MCAT: variants seen among roughly 807,000 people sequenced by gnomAD.
The protein encoded by MCAT is malonyl-CoA-acyl carrier protein transacylase, mitochondrial.
A neutral mutation model predicts 22.9 loss-of-function variants in MCAT; 22 were observed. The observed-to-expected ratio is 0.96, with a 90% CI of 0.69 to 1.37. MCAT has a LOEUF of 1.37. MCAT is among the 40% of genes most tolerant of loss of function. The pLI, the probability that MCAT is intolerant of heterozygous loss-of-function variation, is 0.00. For synonymous variants in MCAT, 240 were observed against 233.9 expected (o/e 1.03, Z -0.24); for missense variants, 534 against 533.6 (o/e 1.00, Z -0.01).
chr22:43,135,399 G>A (rs547693733), intron 3 of MCAT, among the ~76,000 whole-genome samples: 4 of 151,934 alleles, frequency 2.6e-5, no homozygotes, highest in Non-Finnish European at 2.9e-5. Flanking sequence ...AGCTACTTGG[G>A]AGGCTAAGGC....
At chr22:43,135,640 C>A (rs1930587229) in intron 3 of MCAT, among the ~76,000 whole-genome samples, 1 of 152,084 alleles carries the variant, frequency 6.6e-6, no homozygotes, top group South Asian at 2.1e-4. Flanking sequence ...CACTTCTGGG[C>A]TTCCTTCCAA....
chr22:43,143,060 C>CGCGGCGG lies in MCAT; in HGVS notation c.282_288dup (p.Val97ProfsTer50), dbSNP rs1362874488. ...AGTTCCAGCAGGTCGTAGCCCAGCA[C>CGCGGCGG]GCGGCGGGCGGCGGCGTAGAGTTCG... is the stretch of plus-strand genomic sequence containing the variant. On this transcript the variant is annotated frameshift_variant, in exon 1 of 4. Coordinates refer to ENST00000290429, the MANE Select transcript of MCAT (RefSeq NM_173467.5). LOFTEE classifies it high-confidence loss of function. The CGCGGCGG allele has an allele frequency of 1.2e-6, 2 of 1,609,744 alleles. No individual in the cohort carries two copies. The highest frequency in any genetic ancestry group is 1.3e-5 in the African/African-American group (1 of 74,876).
At chr22:43,142,774 C>A (rs867707959) in intron 1 of MCAT, 152 bp downstream of exon 1, 203 of 681,536 alleles carry the variant, frequency 3.0e-4, no homozygotes, top group African/African-American at 1.5e-3. Context: ...GACTCCGTCT[C>A]AAAAAAAAAA....
At chr22:43,137,575 G>A (rs938616295) in intron 2 of MCAT, among the ~76,000 whole-genome samples, 2 of 152,150 alleles carry the variant, frequency 1.3e-5, no homozygotes, top group Admixed American at 1.3e-4. Flanking sequence ...CAACAGGCCG[G>A]GGGCAGTGTC....
chr22:43,135,503 C>CAAAAAAAAAAAAAAAAAAAAAAAAAAAAA, intron 3 of MCAT, among the ~76,000 whole-genome samples: 1 of 33,126 alleles, frequency 3.0e-5, no homozygotes, highest in Non-Finnish European at 7.2e-5. Flanking sequence ...GACATTGTCT[C>CAAAAAAAAAAAAAAAAAAAAAAAAAAAAA]AAAAAACAAA....
At position 43,133,152 on chromosome 22, in the gene MCAT, C is replaced by T. The variant is rs142380867; in HGVS notation, c.1064G>A (p.Gly355Glu). ...CATGTTACAGCTCTTCAGGATGGCT[C>T]CCAGCTGCCTGCCAGGGCCTACTTC... Reference protein sequence around the residue: ...TFEVGPGRQLGAILKSCNMQA... With the variant: ...TFEVGPGRQLEAILKSCNMQA... The change falls in exon 4 of 4, where the codon GGA becomes GAA. Residue 355 changes from glycine to glutamate, a missense_variant. Coordinates refer to ENST00000290429, the MANE Select transcript of MCAT (RefSeq NM_173467.5). 260 of 1,614,200 alleles carry T rather than the reference C, an allele frequency of 1.6e-4. No homozygotes were observed. In the Middle Eastern group the frequency reaches 2.0e-3, roughly 12 times the overall value.
chr22:43,133,912 TCTC>T (rs1265758640), intron 3 of MCAT, among the ~76,000 whole-genome samples: 1 of 151,346 alleles, frequency 6.6e-6, no homozygotes, highest in African/African-American at 2.4e-5. Context: ...TTCACACCAT[TCTC>T]CTGCCTCAGC....
In MCAT at chr22:43,132,954, A is replaced by T. The variant is rs1228805751; in HGVS notation, c.*89T>A. On this transcript the variant is annotated 3_prime_UTR_variant, in exon 4 of 4. Transcript: ENST00000290429. ...AATCCCTTTCACTCCTCAGAGGAGG[A>T]GCCATTAGGAAGGTAGGGGGCGACA... The T allele has an allele frequency of 8.2e-6, 10 of 1,215,342 alleles. No individual in the cohort carries two copies. The Admixed American group carries it at 2.2e-4, about 27-fold the overall frequency. The allele number at this position is 1,215,342 out of a possible 1,614,324, so 75.3% of individuals were successfully genotyped here. A position where few individuals can be genotyped will look rare whatever the true frequency, so the allele number is the denominator to read the frequency against.
At chr22:43,137,362 T>C (rs1930647330) in intron 2 of MCAT, 64 bp from the exon 3 acceptor site, 25 of 1,378,938 alleles carry the variant, frequency 1.8e-5, no homozygotes, top group Non-Finnish European at 2.3e-5. Context: ...AGGCCAGGCC[T>C]GAGAAACAAA....
intron 3 of MCAT, among the ~76,000 whole-genome samples, chr22:43,134,501 C>T (rs1225679170): frequency 6.6e-6 from 1 of 152,164 alleles, no homozygotes; most frequent in Non-Finnish European, 1.5e-5. Context: ...GCATGTACCA[C>T]CACGCCTGGC....
intron 2 of MCAT, among the ~76,000 whole-genome samples, chr22:43,138,176 T>G (rs964246698): frequency 2.6e-5 from 4 of 152,122 alleles, no homozygotes; most frequent in African/African-American, 9.7e-5. Flanking sequence ...GCAGCTGTAG[T>G]AAGCTATGAT....
chr22:43,142,287 G>A (rs1930789631), intron 1 of MCAT, among the ~76,000 whole-genome samples: 1 of 152,128 alleles, frequency 6.6e-6, no homozygotes, highest in Non-Finnish European at 1.5e-5. Flanking sequence ...CTAGCACTTT[G>A]GGAGGCCGAG....
Position 43,137,255 on chromosome 22 carries a change from A to C in MCAT, c.555T>G (p.Ala185=). The C allele has an allele frequency of 6.2e-7, 1 of 1,614,184 alleles. No homozygotes were observed. The highest frequency in any genetic ancestry group is 2.2e-5 in the East Asian group (1 of 44,884). Residue 185 remains alanine (A), a synonymous_variant, in exon 3 of 4, where the codon GCT becomes GCG. Transcript: ENST00000290429. ...VKIRAEAMQE[A]SEAVPSGMLS... is the part of the protein sequence containing the mutation. ...GCATCCCACTGGGGACAGCTTCTGA[A>C]GCTTCCTGCATGGCCTCAGCTCGGA...
Position 43,133,125 on chromosome 22 carries a change from T to G in MCAT, c.1091A>C (p.Gln364Pro), listed in dbSNP as rs771122868. 2 of 1,614,208 alleles carry G rather than the reference T, an allele frequency of 1.2e-6. No homozygotes were observed. Among genetic ancestry groups the G allele is most frequent in the Non-Finnish European group, 1.7e-6 (2 of 1,180,032 alleles). Residue 364 changes from glutamine to proline, a missense_variant, in exon 4 of 4, where the codon CAG (glutamine) becomes CCG (proline). Transcript: ENST00000290429. ...CACGGCGCTGTAGGACTTCCAGGCC[T>G]GCATGTTACAGCTCTTCAGGATGGC... ...LGAILKSCNM[Q>P]AWKSYSAVDV...
At chr22:43,134,250 A>C (rs1930541302) in intron 3 of MCAT, among the ~76,000 whole-genome samples, 1 of 152,198 alleles carries the variant, frequency 6.6e-6, no homozygotes, top group African/African-American at 2.4e-5. Flanking sequence ...TCTTGATGCC[A>C]AAAACCTCCC....
chr22:43,143,218 C>T lies in MCAT; in HGVS notation c.131G>A (p.Gly44Glu). The T allele has an allele frequency of 6.6e-7, 1 of 1,524,462 alleles. No homozygotes were observed. The highest frequency in any genetic ancestry group is 8.7e-7 in the Non-Finnish European group (1 of 1,145,728). The allele number at this position is 1,524,462 out of a possible 1,614,324, so 94.4% of individuals were successfully genotyped here. Reference sequence around the variant, plus strand: ...CGCCCAGGGCGCCTCCTCCTCCGCCCCGGTCGCATCTCGCAGCAGCTCCGC... The same window carrying T: ...CGCCCAGGGCGCCTCCTCCTCCGCCTCGGTCGCATCTCGCAGCAGCTCCGC... ...GVAELLRDAT[G>E]AEEEAPWAAT... The change falls in exon 1 of 4, where the codon GGG becomes GAG. Residue 44 changes from glycine to glutamate, a missense_variant. By Grantham distance (98) the Gly-to-Glu change is moderately conservative. Coordinates refer to ENST00000290429, the MANE Select transcript of MCAT (RefSeq NM_173467.5).
In MCAT at chr22:43,133,436, G is replaced by A. The variant is rs375672802; in HGVS notation, c.780C>T (p.Thr260=). Reference sequence around the variant, plus strand: ...ATGCGCCACTAACCGGCAACATCCTGGTGCGTCTGAAATGAAACTTAGAGG... The same window carrying A: ...ATGCGCCACTAACCGGCAACATCCTAGTGCGTCTGAAATGAAACTTAGAGG... ...KNSSKFHFRR[T]RMLPVSGAFH... is the part of the protein sequence containing the mutation. The change falls in exon 4 of 4, where the codon ACC becomes ACT. Residue 260 remains threonine (T), a synonymous_variant. Transcript: ENST00000290429. 4.3e-6 allele frequency: 7 copies of A among 1,613,840 alleles called. No individual in the cohort carries two copies. In the African/African-American group the frequency reaches 9.3e-5, roughly 22 times the overall value.
Position 43,142,786 on chromosome 22 carries a change from C to A in MCAT, c.423+140G>T, listed in dbSNP as rs1317052309. ...CGAGACTCCGTCTCAAAAAAAAAAA[C>A]AAAAACAAACAAAAAAAAAAACTCG... On this transcript the variant is annotated intron_variant, in intron 1 of 3. Transcript: ENST00000290429. 2,453 of 881,820 alleles carry A rather than the reference C, an allele frequency of 2.8e-3. 56 individuals carry two copies. In the African/African-American group the frequency reaches 0.041, roughly 15 times the overall value. The allele number at this position is 881,820 out of a possible 1,614,324, so 54.6% of individuals were successfully genotyped here.
rs114926257 is a variant in MCAT at position 43,132,984 on chromosome 22, C to G, written c.*59G>C. The stretch of plus-strand genomic sequence containing the variant: ...TTAGGAAGGTAGGGGGCGACAGGCA[C>G]AGCCTACAGCCTCTCCTCAGGAGGA... On this transcript the variant is annotated 3_prime_UTR_variant, in exon 4 of 4. Transcript: ENST00000290429. The G allele has an allele frequency of 6.6e-4, 1,005 of 1,515,832 alleles. 2 individuals are homozygous for G. The Middle Eastern group carries it at 0.014, about 20-fold the overall frequency. The allele number at this position is 1,515,832 out of a possible 1,614,324, so 93.9% of individuals were successfully genotyped here.
Sources: allele counts gnomAD v4.1 joint callset (sites outside exome capture counted in the v4.1 genomes callset), GRCh38; gene constraint gnomAD v4.1.1; transcripts MANE v1.5; gene names NCBI Gene and HGNC (gene_info 2026-07-23, HGNC 2026-07-21).